GABRB2: variants seen among roughly 807,000 people sequenced by gnomAD.
GABRB2 encodes the protein gamma-aminobutyric acid receptor subunit beta-2.
GABRB2 carries 16 observed loss-of-function variants against 54.7 expected under a neutral mutation model. The ratio of observed to expected loss-of-function variants is 0.29; its 90% CI spans 0.20 to 0.44. The LOEUF (loss-of-function observed/expected upper bound fraction) is 0.44. GABRB2 is among the 20% of genes least tolerant of loss of function. The pLI is 1.00. For missense variants in GABRB2, 355 were observed against 644.0 expected, an observed-to-expected ratio of 0.55 and a Z score of 4.86; for synonymous variants, 244 against 233.8, an observed-to-expected ratio of 1.04 and a Z score of -0.40.
chr5:161,524,424 T>A (rs1160730534), intron 3 of GABRB2, among the ~76,000 whole-genome samples: 1 of 151,700 alleles, frequency 6.6e-6, no homozygotes, highest in Non-Finnish European at 1.5e-5. Context: ...GGAGTTTGTA[T>A]CCTGAAATTA....
chr5:161,513,117 C>T (rs1282272299), intron 3 of GABRB2, among the ~76,000 whole-genome samples: 1 of 150,488 alleles, frequency 6.6e-6, no homozygotes, highest in East Asian at 1.9e-4. Context: ...GGAACGCTTA[C>T]ACACTGTTGG....
At chr5:161,539,528 T>C (rs550209379) in intron 3 of GABRB2, among the ~76,000 whole-genome samples, 1 of 152,226 alleles carries the variant, frequency 6.6e-6, no homozygotes, top group Admixed American at 6.5e-5. Context: ...CAGAGAAACA[T>C]GGAACTTTGA....
intron 5 of GABRB2, among the ~76,000 whole-genome samples, chr5:161,399,804 G>A (rs1201493245): frequency 6.6e-6 from 1 of 152,174 alleles, no homozygotes; most frequent in Non-Finnish European, 1.5e-5. Flanking sequence ...CATCTGTAAA[G>A]AGGAAATAAT....
intron 3 of GABRB2, among the ~76,000 whole-genome samples, chr5:161,495,629 G>C (rs1025934609): frequency 1.3e-5 from 2 of 151,974 alleles, no homozygotes; most frequent in African/African-American, 4.8e-5. Context: ...GGCATTCAAG[G>C]CTCAATAATT....
At chr5:161,468,872 CA>C (rs1375547488) in intron 3 of GABRB2, among the ~76,000 whole-genome samples, 1 of 151,690 alleles carries the variant, frequency 6.6e-6, no homozygotes, top group Non-Finnish European at 1.5e-5. Context: ...AACTGTTCAT[CA>C]ATATAAAATT....
At chr5:161,447,944 T>C (rs1389193004) in intron 4 of GABRB2, among the ~76,000 whole-genome samples, 2 of 152,146 alleles carry the variant, frequency 1.3e-5, no homozygotes, top group African/African-American at 4.8e-5. Flanking sequence ...CAGAGGTACT[T>C]TTCTAGTTGC....
chr5:161,358,584 T>C (rs910297635), intron 5 of GABRB2, among the ~76,000 whole-genome samples: 3 of 152,158 alleles, frequency 2.0e-5, no homozygotes, highest in Admixed American at 2.0e-4. Context: ...CGCCATCCCC[T>C]TGAGTGGGCA....
intron 3 of GABRB2, among the ~76,000 whole-genome samples, chr5:161,506,480 A>G (rs1442847590): frequency 1.3e-5 from 2 of 152,176 alleles, no homozygotes; most frequent in Non-Finnish European, 2.9e-5. Context: ...ATCTGATTTC[A>G]AGTTTTACTC....
intron 3 of GABRB2, among the ~76,000 whole-genome samples, chr5:161,519,096 G>A (rs1002091514): frequency 2.0e-5 from 3 of 152,164 alleles, no homozygotes; most frequent in African/African-American, 7.2e-5. Context: ...GTAAAGAAAG[G>A]TTAAGTTTCA....
At position 161,403,056 on chromosome 5, in the gene GABRB2, C is replaced by T. The variant is rs530376543; in HGVS notation, c.541+7919G>A. ...CAGCAAGTTCAACGTGAGAGTGTGC[C>T]CATGGATCTGCCAGACTGGTTCTCT... On this transcript the variant is annotated intron_variant, in intron 5 of 9. Coordinates refer to ENST00000393959, the MANE Select transcript of GABRB2 (RefSeq NM_001371727.1). Among the ~76,000 whole-genome samples, 3 of 152,238 alleles carry T rather than the reference C, an allele frequency of 2.0e-5. No individual in the cohort carries two copies. In the South Asian group the frequency reaches 6.2e-4, roughly 32 times the overall value.
At chr5:161,446,155 T>C (rs1330987953) in intron 4 of GABRB2, among the ~76,000 whole-genome samples, 12 of 152,142 alleles carry the variant, frequency 7.9e-5, no homozygotes, top group Admixed American at 7.2e-4. Context: ...GTAGTTTATA[T>C]CTTTCCTTCT....
At chr5:161,314,624 G>A (rs978159194) in intron 9 of GABRB2, among the ~76,000 whole-genome samples, 7 of 152,038 alleles carry the variant, frequency 4.6e-5, no homozygotes, top group Admixed American at 4.6e-4. Context: ...AAAAATTAAT[G>A]CCAGCCCTTG....
chr5:161,448,406 C>T (rs1285450261), intron 4 of GABRB2, among the ~76,000 whole-genome samples: 2 of 151,984 alleles, frequency 1.3e-5, no homozygotes, highest in Non-Finnish European at 2.9e-5. Flanking sequence ...AGAGTGAGAC[C>T]CTGTATCTAA....
chr5:161,299,201 C>T (rs1469483289), intron 9 of GABRB2, among the ~76,000 whole-genome samples: 3 of 152,194 alleles, frequency 2.0e-5, no homozygotes, highest in East Asian at 3.8e-4. Context: ...CTGTGCTTTG[C>T]CTGTTCATCA....
intron 9 of GABRB2, among the ~76,000 whole-genome samples, chr5:161,304,154 T>A (rs1222048036): frequency 1.3e-5 from 2 of 152,264 alleles, no homozygotes; most frequent in Non-Finnish European, 2.9e-5. Flanking sequence ...GAAAAGTTCA[T>A]CCTGCAATGA....
intron 4 of GABRB2, among the ~76,000 whole-genome samples, chr5:161,450,983 A>G (rs190123615): frequency 7.3e-4 from 111 of 152,206 alleles, no homozygotes; most frequent in African/African-American, 2.6e-3. Flanking sequence ...CTGCTTGACA[A>G]AATATATTCA....
chr5:161,498,920 T>C (rs2113372645), intron 3 of GABRB2, among the ~76,000 whole-genome samples: 1 of 152,270 alleles, frequency 6.6e-6, no homozygotes, highest in Middle Eastern at 3.4e-3. Flanking sequence ...ATGCATCAAA[T>C]AAAATGCTAA....
At chr5:161,444,316 T>G (rs1266593312) in intron 4 of GABRB2, among the ~76,000 whole-genome samples, 2 of 152,172 alleles carry the variant, frequency 1.3e-5, no homozygotes, top group Admixed American at 1.3e-4. Context: ...CATATAACAT[T>G]TGATTATCAT....
At chr5:161,446,246 A>G (rs1256976954) in intron 4 of GABRB2, among the ~76,000 whole-genome samples, 2 of 152,176 alleles carry the variant, frequency 1.3e-5, no homozygotes, top group Non-Finnish European at 2.9e-5. Flanking sequence ...GAGCAACAAG[A>G]GGTGCTCACT....
Sources: allele counts gnomAD v4.1 joint callset (sites outside exome capture counted in the v4.1 genomes callset), GRCh38; gene constraint gnomAD v4.1.1; transcripts MANE v1.5; gene names NCBI Gene and HGNC (gene_info 2026-07-23, HGNC 2026-07-21).